Variants in DOK5 observed in about 807,000 individuals in gnomAD.
DOK5 encodes docking protein 5.
DOK5 carries 27 observed loss-of-function variants against 43.3 expected under a neutral mutation model. The ratio of observed to expected loss-of-function variants is 0.62; its 90% confidence interval spans 0.46 to 0.86. The LOEUF is 0.86. DOK5 is among the 40% of genes least tolerant of loss of function. DOK5 has a pLI of 0.00. For synonymous variants in DOK5, 146 were observed against 140.1 expected (o/e 1.04, Z -0.30); for missense variants, 373 against 392.9 (o/e 0.95, Z 0.43).
intron 6 of DOK5, among the ~76,000 whole-genome samples, chr20:54,612,290 AT>A (rs1365139031): frequency 6.6e-6 from 1 of 152,188 alleles, no homozygotes; most frequent in Non-Finnish European, 1.5e-5. Flanking sequence ...TGACGTAAGC[AT>A]TTGCGAGAAA....
At chr20:54,516,521 T>C (rs1983202609) in intron 1 of DOK5, among the ~76,000 whole-genome samples, 1 of 152,190 alleles carries the variant, frequency 6.6e-6, no homozygotes, top group Non-Finnish European at 1.5e-5. Context: ...CCTTGGGTTG[T>C]GGGTAGAGTA....
intron 1 of DOK5, among the ~76,000 whole-genome samples, chr20:54,542,652 T>C (rs1022420274): frequency 6.6e-6 from 1 of 152,184 alleles, no homozygotes; most frequent in Non-Finnish European, 1.5e-5. Context: ...TCATTTTTAT[T>C]ATACGAAAAA....
intron 6 of DOK5, among the ~76,000 whole-genome samples, chr20:54,626,365 G>A (rs907379282): frequency 3.3e-5 from 5 of 152,144 alleles, no homozygotes; most frequent in African/African-American, 1.2e-4. Flanking sequence ...GCTCCATCTG[G>A]CTCTTTGCTG....
chr20:54,623,315 G>C (rs1398662986), intron 6 of DOK5, among the ~76,000 whole-genome samples: 1 of 152,154 alleles, frequency 6.6e-6, no homozygotes, highest in Non-Finnish European at 1.5e-5. Flanking sequence ...CCAAGGTTGA[G>C]AACGCTTGCT....
chr20:54,650,027 A>C (rs1568829972), intron 7 of DOK5, among the ~76,000 whole-genome samples: 1 of 152,220 alleles, frequency 6.6e-6, no homozygotes, highest in Non-Finnish European at 1.5e-5. Context: ...GTTCTCCTTA[A>C]CATTTACAAG....
chr20:54,502,701 CTAACTACCTTGTGTCACTTAA>C (rs1982657765), intron 1 of DOK5, among the ~76,000 whole-genome samples: 1 of 152,138 alleles, frequency 6.6e-6, no homozygotes, highest in Admixed American at 6.5e-5. Flanking sequence ...CCATTATTCT[CTAACTACCTTGTGTCACTTAA>C]TAAATTTCAA....
At position 54,588,810 on chromosome 20, in the gene DOK5, T is replaced by G. The variant is rs879937546; in HGVS notation, c.409+4T>G. The stretch of plus-strand genomic sequence containing the variant: ...GGGGTTGAGAGAGAACAGAGTGGTA[T>G]GTAAAGAAAATTCTCTCCTCTCTCT... On this transcript the variant is annotated splice_donor_region_variant and intron_variant, in intron 4 of 7. Coordinates refer to ENST00000262593, the MANE Select transcript of DOK5 (RefSeq NM_018431.5). 14 of 1,613,362 alleles carry G rather than the reference T, an allele frequency of 8.7e-6. No homozygotes were observed. Among genetic ancestry groups the G allele is most frequent in the Non-Finnish European group, 1.2e-5 (14 of 1,179,622 alleles).
chr20:54,512,573 A>T (rs953714510), intron 1 of DOK5, among the ~76,000 whole-genome samples: 1 of 152,220 alleles, frequency 6.6e-6, no homozygotes, highest in African/African-American at 2.4e-5. Context: ...TGCCTTTGGG[A>T]CAGTGAGGGT....
intron 5 of DOK5, among the ~76,000 whole-genome samples, chr20:54,609,220 C>T (rs1374906768): frequency 2.0e-5 from 3 of 152,186 alleles, no homozygotes; most frequent in Admixed American, 6.5e-5. Flanking sequence ...AGTTTCTATG[C>T]TGTGTTAAAC....
intron 1 of DOK5, 111 bp downstream of exon 1, chr20:54,476,123 C>T: frequency 6.4e-7 from 1 of 1,556,956 alleles, no homozygotes; most frequent in Non-Finnish European, 8.7e-7. Context: ...CGGAGAATTG[C>T]GCGGTGGCTT....
intron 5 of DOK5, among the ~76,000 whole-genome samples, chr20:54,598,600 G>C (rs185834524): frequency 1.3e-5 from 2 of 152,092 alleles, no homozygotes; most frequent in Non-Finnish European, 2.9e-5. Flanking sequence ...TAATACCCTG[G>C]GTTTCGCACC....
chr20:54,542,202 C>G (rs956853486), intron 1 of DOK5, among the ~76,000 whole-genome samples: 2 of 151,710 alleles, frequency 1.3e-5, no homozygotes, highest in African/African-American at 4.8e-5. Context: ...AGATTTTCTC[C>G]CTTTTGTTCA....
At chr20:54,572,296 G>T (rs1309282639) in intron 2 of DOK5, among the ~76,000 whole-genome samples, 1 of 152,048 alleles carries the variant, frequency 6.6e-6, no homozygotes, top group Admixed American at 6.5e-5. Flanking sequence ...GTGTAGCTGG[G>T]ACTACAGGTA....
chr20:54,604,753 C>G (rs112120744), intron 5 of DOK5, among the ~76,000 whole-genome samples: 2 of 152,050 alleles, frequency 1.3e-5, no homozygotes, highest in African/African-American at 4.8e-5. Context: ...GTAATCCCAG[C>G]ACTTTGGGAG....
chr20:54,488,326 G>A (rs1982022896), intron 1 of DOK5, among the ~76,000 whole-genome samples: 1 of 152,186 alleles, frequency 6.6e-6, no homozygotes, highest in Admixed American at 6.5e-5. Flanking sequence ...TCCATTAACT[G>A]GTTGCTCTTA....
chr20:54,568,580 C>G (rs555685041), intron 2 of DOK5, among the ~76,000 whole-genome samples: 31 of 152,174 alleles, frequency 2.0e-4, no homozygotes, highest in African/African-American at 7.2e-4. Flanking sequence ...TTTATTTTTT[C>G]TCTTTACACT....
chr20:54,591,708 G>C lies in DOK5; in HGVS notation c.502G>C (p.Asp168His). 1 of 1,614,208 alleles carries C rather than the reference G, an allele frequency of 6.2e-7. No individual in the cohort carries two copies. Among genetic ancestry groups the C allele is most frequent in the Non-Finnish European group, 8.5e-7 (1 of 1,180,020 alleles). The change falls in exon 5 of 8, where the codon GAC becomes CAC. Residue 168 changes from aspartate to histidine, a missense_variant. By Grantham distance (81) the Asp-to-His change is moderately conservative (BLOSUM62 -1). Coordinates refer to ENST00000262593, the MANE Select transcript of DOK5 (RefSeq NM_018431.5). The part of the protein sequence containing the change: ...QITYEYICLW[D>H]VQNPRVKLIS... Reference sequence around the variant, plus strand: ...TACATATGAGTATATCTGTCTTTGGGACGTCCAGAATCCCAGAGTCAAACT... The same window carrying C: ...TACATATGAGTATATCTGTCTTTGGCACGTCCAGAATCCCAGAGTCAAACT...
intron 1 of DOK5, among the ~76,000 whole-genome samples, chr20:54,549,596 T>G (rs1461124841): frequency 6.6e-6 from 1 of 152,232 alleles, no homozygotes; most frequent in African/African-American, 2.4e-5. Flanking sequence ...TCATTAGGCA[T>G]GCTGAAATTG....
chr20:54,527,667 GA>G (rs1983624678), intron 1 of DOK5, among the ~76,000 whole-genome samples: 1 of 152,160 alleles, frequency 6.6e-6, no homozygotes, highest in African/African-American at 2.4e-5. Context: ...ATTTGAGAAA[GA>G]AAGAACATTT....
Sources: gnomAD v4.1 joint callset for allele counts (sites outside exome capture counted in the v4.1 genomes callset) on GRCh38, gnomAD v4.1.1 for gene constraint, MANE v1.5 for transcripts, NCBI Gene and HGNC (gene_info 2026-07-23, HGNC 2026-07-21) for gene names.